The following ZNF512 variants were observed in gnomAD, a reference collection of about 807,000 sequenced individuals.
ZNF512 encodes the protein zinc finger protein 512.
In ZNF512, 25 loss-of-function variants were observed where a neutral mutation model predicts 77.5. The ratio of observed to expected loss-of-function variants is 0.32; its 90% CI spans 0.23 to 0.45. The LOEUF is 0.45. Among genes scored for constraint, ZNF512 ranks in the 20% least tolerant of loss-of-function variants. The probability of loss-of-function intolerance (pLI) is 1.00; values close to 1 mark genes in which losing one functional copy is unlikely to be tolerated. For synonymous variants in ZNF512, 246 were observed against 239.9 expected (o/e 1.03, Z -0.24); for missense variants, 483 against 692.6 (o/e 0.70, Z 3.40).
intron 10 of ZNF512, among the ~76,000 whole-genome samples, chr2:27,608,460 A>G (rs2148032033): frequency 6.6e-6 from 1 of 152,152 alleles, no homozygotes; most frequent in East Asian, 1.9e-4. Flanking sequence ...TAACTTAAAA[A>G]CAGATTTGCT....
At chr2:27,583,186 T>C in intron 1 of ZNF512, 44 bp downstream of exon 1, 1 of 1,614,082 alleles carries the variant, frequency 6.2e-7, no homozygotes, top group Non-Finnish European at 8.5e-7. Context: ...GGTAGCGCTG[T>C]CGAGCCCGGA....
At chr2:27,603,586 G>GTGTGTGTGTGTGTGTATATA (rs140043162) in intron 9 of ZNF512, among the ~76,000 whole-genome samples, 26 of 72,488 alleles carry the variant, frequency 3.6e-4, no homozygotes, top group African/African-American at 1.3e-3. Context: ...GTGTGTGTGT[G>GTGTGTGTGTGTGTGTATATA]TATATTTTTT....
intron 4 of ZNF512, 143 bp from the exon 5 acceptor site, chr2:27,599,827 A>T: frequency 8.5e-7 from 1 of 1,177,476 alleles, no homozygotes; most frequent in East Asian, 2.5e-5. Context: ...ATCCTGCCTC[A>T]TTATACCCTT....
chr2:27,610,087 G>A (rs972035753), intron 10 of ZNF512, among the ~76,000 whole-genome samples: 2 of 151,064 alleles, frequency 1.3e-5, no homozygotes, highest in Non-Finnish European at 2.9e-5. Context: ...ATTTGTTGCC[G>A]GGCGTGGTGG....
chr2:27,610,828 T>TGATATGATA (rs1672626228), intron 10 of ZNF512, among the ~76,000 whole-genome samples: 1 of 151,624 alleles, frequency 6.6e-6, no homozygotes, highest in Non-Finnish European at 1.5e-5. Flanking sequence ...TGCCTCGGCC[T>TGATATGATA]CCTGAAGTGC....
intron 6 of ZNF512, 21 bp downstream of exon 6, chr2:27,600,836 A>G (rs368109230): frequency 6.2e-7 from 1 of 1,604,080 alleles, no homozygotes; most frequent in African/African-American, 1.3e-5. Context: ...TTGGCGTTTC[A>G]TAACTGTTAC....
In ZNF512 at chr2:27,621,698, C is replaced by T; in HGVS notation, c.*237C>T. 2.3e-6 allele frequency: 1 copy of T among 434,224 alleles called. No homozygotes were observed. 26.9% of individuals were successfully genotyped at this position (434,224 alleles called of 1,614,324 possible). A position where few individuals can be genotyped will look rare whatever the true frequency, so the allele number is the denominator to read the frequency against. ...AAGTCCTCTTGTTTTTTTATCTTGC[C>T]CAAAGAGCTCCCTCTCAAGGCCAAC... On this transcript the variant is annotated 3_prime_UTR_variant, in exon 14 of 14. Transcript: ENST00000355467.
chr2:27,615,154 G>T lies in ZNF512; in HGVS notation c.1132-14G>T. 1 of 1,510,070 alleles carries T rather than the reference G, an allele frequency of 6.6e-7. No individual in the cohort carries two copies. The highest frequency in any genetic ancestry group is 9.1e-7 in the Non-Finnish European group (1 of 1,098,552). The allele number at this position is 1,510,070 out of a possible 1,614,324, so 93.5% of individuals were successfully genotyped here. On this transcript the variant is annotated splice_polypyrimidine_tract_variant and intron_variant, in intron 10 of 13. Coordinates refer to ENST00000355467, the MANE Select transcript of ZNF512 (RefSeq NM_032434.4). Reference sequence around the variant, plus strand: ...TTGTATTTATCTAATGTTTCTGGTTGTCTTGTCTTGTAGTTAAAATATACT... The same window carrying T: ...TTGTATTTATCTAATGTTTCTGGTTTTCTTGTCTTGTAGTTAAAATATACT...
intron 2 of ZNF512, among the ~76,000 whole-genome samples, chr2:27,587,440 C>A (rs1271674596): frequency 6.6e-6 from 1 of 151,724 alleles, no homozygotes; most frequent in East Asian, 1.9e-4. Context: ...CCACGCCTGA[C>A]TAATTTTGGT....
chr2:27,605,525 GA>G, intron 9 of ZNF512, among the ~76,000 whole-genome samples: 1 of 152,046 alleles, frequency 6.6e-6, no homozygotes, highest in Non-Finnish European at 1.5e-5. Flanking sequence ...GCCCAGGCTG[GA>G]GTGCAGTGGC....
Position 27,598,190 on chromosome 2 carries a change from C to A in ZNF512, c.213C>A (p.Phe71Leu), listed in dbSNP as rs1671955305. The A allele has an allele frequency of 1.2e-6, 2 of 1,614,016 alleles. No homozygotes were observed. The highest frequency in any genetic ancestry group is 2.2e-5 in the South Asian group (2 of 91,094). Residue 71 changes from phenylalanine (F) to leucine (L), a missense_variant, in exon 3 of 14, where the codon TTC becomes TTA. This residue lies in a region of ZNF512 where 159 missense variants were observed against 167.5 expected (regional missense o/e 0.95). Transcript: ENST00000355467. ...CAGTGAGTGATTTTCCAGCATCTTT[C>A]CGAAAATCTACCTACTGGATGAAGA... Reference protein sequence around the residue: ...CEPVSDFPASFRKSTYWMKMR... With the variant: ...CEPVSDFPASLRKSTYWMKMR...
intron 2 of ZNF512, 106 bp from the exon 3 acceptor site, chr2:27,597,961 T>C: frequency 3.8e-6 from 3 of 783,602 alleles, no homozygotes; most frequent in Non-Finnish European, 6.0e-6. Flanking sequence ...TATAGCAGGC[T>C]TCTTAGTTTT....
At chr2:27,617,376 A>T in intron 12 of ZNF512, 97 bp from the exon 13 acceptor site, 1 of 691,206 alleles carries the variant, frequency 1.4e-6, no homozygotes, top group South Asian at 1.7e-5. Flanking sequence ...TTGCTGAAGT[A>T]GAATTCCCTC....
chr2:27,587,574 G>T (rs1671390259), intron 2 of ZNF512, among the ~76,000 whole-genome samples: 1 of 151,494 alleles, frequency 6.6e-6, no homozygotes, highest in East Asian at 1.9e-4. Context: ...ACCACACCTG[G>T]CCTAATTTGT....
At chr2:27,605,107 T>C (rs1390137757) in intron 9 of ZNF512, among the ~76,000 whole-genome samples, 3 of 152,290 alleles carry the variant, frequency 2.0e-5, no homozygotes, top group Non-Finnish European at 4.4e-5. Context: ...TTGAAGAACA[T>C]TTGGTTGTTT....
chr2:27,611,226 G>C (rs1270793446), intron 10 of ZNF512, among the ~76,000 whole-genome samples: 1 of 152,050 alleles, frequency 6.6e-6, no homozygotes, highest in African/African-American at 2.4e-5. Context: ...CATATCTTAG[G>C]ATATTATCAG....
At chr2:27,610,569 T>TATATACACATA (rs70953871) in intron 10 of ZNF512, among the ~76,000 whole-genome samples, 1 of 15,812 alleles carries the variant, frequency 6.3e-5, no homozygotes, top group African/African-American at 2.6e-4. Flanking sequence ...TATATATATA[T>TATATACACATA]TTTTTTTTTT....
chr2:27,621,476 A>G lies in ZNF512; in HGVS notation c.*15A>G. 1 of 1,594,062 alleles carries G rather than the reference A, an allele frequency of 6.3e-7. No homozygotes were observed. The highest frequency in any genetic ancestry group is 8.5e-7 in the Non-Finnish European group (1 of 1,174,446). ...GAAGGAAATAGGCAGTCAGTGTAAA[A>G]GTGCTCCTAGGAAAGCAGATGTGAT... On this transcript the variant is annotated 3_prime_UTR_variant, in exon 14 of 14. Coordinates refer to ENST00000355467, the MANE Select transcript of ZNF512 (RefSeq NM_032434.4).
intron 2 of ZNF512, among the ~76,000 whole-genome samples, chr2:27,593,958 ATC>A (rs1428324053): frequency 6.6e-6 from 1 of 152,206 alleles, no homozygotes; most frequent in Non-Finnish European, 1.5e-5. Context: ...TAACAATCTG[ATC>A]TCTCTTTCTT....
Sources: gnomAD v4.1 joint callset for allele counts (sites outside exome capture counted in the v4.1 genomes callset) on GRCh38, gnomAD v4.1.1 for gene constraint, gnomAD v4.1.1 regional missense constraint, MANE v1.5 for transcripts, NCBI Gene and HGNC (gene_info 2026-07-23, HGNC 2026-07-21) for gene names.